COL18A1: variants seen among roughly 807,000 people sequenced by gnomAD.
The protein encoded by COL18A1 is collagen alpha-1(XVIII) chain.
A neutral mutation model predicts 168.0 loss-of-function variants in COL18A1; 133 were observed. That is an observed-to-expected ratio of 0.79 (90% CI 0.69 to 0.91). COL18A1 has a LOEUF of 0.91. COL18A1 is among the 40% of genes least tolerant of loss of function. The pLI is 0.00. For missense variants in COL18A1, 2,126 were observed against 1,925.4 expected, an observed-to-expected ratio of 1.10 and a Z score of -1.95; for synonymous variants, 949 against 809.0, an observed-to-expected ratio of 1.17 and a Z score of -2.94.
At position 45,457,747 on chromosome 21, in the gene COL18A1, T is replaced by C. The variant is rs902164010; in HGVS notation, c.107-10495T>C. 1.3e-5 allele frequency among the ~76,000 whole-genome samples: 2 copies of C among 152,304 alleles called. No individual in the cohort carries two copies. The highest frequency in any genetic ancestry group is 3.9e-4 in the East Asian group (2 of 5,166). ...GCCCTATCCCCGCAGGGTGAGGTGC[T>C]CTGTCCTCCTCTGCTGTCCTCCCCA... On this transcript the variant is annotated intron_variant, in intron 2 of 41. Coordinates refer to ENST00000651438, the MANE Select transcript of COL18A1 (RefSeq NM_001379500.1). This position sits in a 1 kb window ranked among gnomAD's most constrained non-coding sequence, Gnocchi z 4.6.
chr21:45,463,223 C>G lies in COL18A1; in HGVS notation c.107-5019C>G, dbSNP rs2035099801. Among the ~76,000 whole-genome samples, 1 of 152,236 alleles carries G rather than the reference C, an allele frequency of 6.6e-6. No homozygotes were observed. The highest frequency in any genetic ancestry group is 2.1e-4 in the South Asian group (1 of 4,828). On this transcript the variant is annotated intron_variant, in intron 2 of 41. Transcript: ENST00000651438. This position sits in a 1 kb window ranked among gnomAD's most constrained non-coding sequence, Gnocchi z 4.0. ...ACCTCCCTGTCTGCACATCTGTGAT[C>G]CCAGGCAACCTGATCAGAGCACAGG...
At chr21:45,488,570 G>A (rs965916882) in intron 18 of COL18A1, 126 bp downstream of exon 18, 1 of 1,397,528 alleles carries the variant, frequency 7.2e-7, no homozygotes, top group Non-Finnish European at 1.0e-6. Flanking sequence ...AATTCATCCT[G>A]GGAAGTTTGC....
chr21:45,510,938 AAC>A (rs1440334117), intron 40 of COL18A1, among the ~76,000 whole-genome samples, 171 bp from the exon 41 acceptor site: 7 of 41,990 alleles, frequency 1.7e-4, no homozygotes, highest in Non-Finnish European at 2.5e-4. Flanking sequence ...CCCCCAAAAA[AAC>A]ACACACCCAC....
intron 2 of COL18A1, among the ~76,000 whole-genome samples, chr21:45,411,759 C>CGGGGGGGGGGGGGGGGGG (rs1437966551): frequency 2.1e-3 from 16 of 7,566 alleles, no homozygotes; most frequent in Admixed American, 9.3e-3. Context: ...GGGCTGATGG[C>CGGGGGGGGGGGGGGGGGG]GGGGGGTGGG....
At chr21:45,470,810 T>G (rs2035395452) in intron 3 of COL18A1, among the ~76,000 whole-genome samples, 1 of 152,162 alleles carries the variant, frequency 6.6e-6, no homozygotes, top group African/African-American at 2.4e-5. Flanking sequence ...TTTATGTGGT[T>G]AAATCTGGCC....
intron 21 of COL18A1, 31 bp downstream of exon 21, chr21:45,490,902 T>TG (rs780883252): frequency 1.7e-4 from 259 of 1,537,684 alleles, no homozygotes; most frequent in South Asian, 6.6e-4. Context: ...TGGATGGGGA[T>TG]GGGGGGCGCT....
chr21:45,474,210 T>C (rs2035547715), intron 4 of COL18A1, among the ~76,000 whole-genome samples: 2 of 151,942 alleles, frequency 1.3e-5, no homozygotes, highest in Non-Finnish European at 2.9e-5. Flanking sequence ...CCACCCTCCA[T>C]GGCAGCTGGT....
At chr21:45,446,260 C>T (rs547806036) in intron 2 of COL18A1, among the ~76,000 whole-genome samples, 1 of 152,314 alleles carries the variant, frequency 6.6e-6, no homozygotes, top group African/African-American at 2.4e-5. Context: ...ATTCCAGAAC[C>T]CTCAGTTCCA....
intron 41 of COL18A1, among the ~76,000 whole-genome samples, 168 bp from the exon 42 acceptor site, chr21:45,512,019 AC>A (rs1568956591): frequency 6.6e-6 from 1 of 152,086 alleles, no homozygotes; most frequent in Non-Finnish European, 1.5e-5. Flanking sequence ...AGCCCCCTCC[AC>A]AGGCAGCCAG....
At position 45,498,496 on chromosome 21, in the gene COL18A1, G is replaced by A. The variant is rs535094036; in HGVS notation, c.2683+835G>A. On this transcript the variant is annotated intron_variant, in intron 32 of 41. Transcript: ENST00000651438. This position sits in a 1 kb window ranked among gnomAD's most constrained non-coding sequence, Gnocchi z 4.5. Reference sequence around the variant, plus strand: ...CCGCTCGCCGCCAGGGTCCCCTCTCGCTGCCAGGGTCCTCTGCAGAGGAGG... The same window carrying A: ...CCGCTCGCCGCCAGGGTCCCCTCTCACTGCCAGGGTCCTCTGCAGAGGAGG... 14 of 715,088 alleles carry A rather than the reference G, an allele frequency of 2.0e-5. No homozygotes were observed. Among genetic ancestry groups the A allele is most frequent in the African/African-American group, 7.0e-5 (4 of 57,132 alleles). 44.3% of individuals were successfully genotyped at this position (715,088 alleles called of 1,614,324 possible).
chr21:45,406,406 A>G (rs866484315), intron 2 of COL18A1, among the ~76,000 whole-genome samples: 1 of 152,220 alleles, frequency 6.6e-6, no homozygotes, highest in Non-Finnish European at 1.5e-5. Flanking sequence ...AATTTGTTTC[A>G]TTGTTTCCAA....
chr21:45,447,588 C>T (rs1000322145), intron 2 of COL18A1, among the ~76,000 whole-genome samples: 1 of 152,050 alleles, frequency 6.6e-6, no homozygotes, highest in African/African-American at 2.4e-5. Context: ...AACTAGAGTC[C>T]ACACAACTCC....
At chr21:45,460,963 G>A (rs1696023533) in intron 2 of COL18A1, among the ~76,000 whole-genome samples, 1 of 152,064 alleles carries the variant, frequency 6.6e-6, no homozygotes, top group South Asian at 2.1e-4. Context: ...CTCCAAACAG[G>A]GCTTCCTGCA....
intron 26 of COL18A1, chr21:45,494,170 T>C (rs776482881): frequency 3.6e-5 from 15 of 421,278 alleles, no homozygotes; most frequent in Non-Finnish European, 6.7e-5. Flanking sequence ...CCAGGCCCAG[T>C]GAGAGCTCCA....
intron 37 of COL18A1, chr21:45,506,438 T>C: frequency 3.6e-6 from 1 of 279,536 alleles, no homozygotes; most frequent in Non-Finnish European, 7.1e-6. Flanking sequence ...AGCACGGGCC[T>C]TGCTCACCAG....
chr21:45,493,209 G>A lies in COL18A1; in HGVS notation c.2261G>A (p.Gly754Asp). The change falls in exon 25 of 42, where the codon GGC becomes GAC. Residue 754 changes from glycine to aspartate, a missense_variant. Transcript: ENST00000651438. Reference sequence around the variant, plus strand: ...AACCTGGGCTCTAAGGGCGAACGAGGCTCCCCGGGACCCAAGGTAAGGGGC... The same window carrying A: ...AACCTGGGCTCTAAGGGCGAACGAGACTCCCCGGGACCCAAGGTAAGGGGC... ...KGNLGSKGER[G>D]SPGPKGEKGE... 1 of 1,561,372 alleles carries A rather than the reference G, an allele frequency of 6.4e-7. No homozygotes were observed. The highest frequency in any genetic ancestry group is 8.7e-7 in the Non-Finnish European group (1 of 1,152,616).
At chr21:45,458,999 CT>C (rs2034949243) in intron 2 of COL18A1, among the ~76,000 whole-genome samples, 1 of 152,200 alleles carries the variant, frequency 6.6e-6, no homozygotes, top group Non-Finnish European at 1.5e-5. Context: ...CTGATGGGGA[CT>C]TTTCACTGAA....
chr21:45,481,628 G>A (rs1055959957), intron 13 of COL18A1, among the ~76,000 whole-genome samples: 1 of 152,250 alleles, frequency 6.6e-6, no homozygotes, highest in Non-Finnish European at 1.5e-5. Flanking sequence ...ATTCTGAGGG[G>A]AATTTGGGCT....
intron 2 of COL18A1, among the ~76,000 whole-genome samples, chr21:45,412,710 G>A (rs537414286): frequency 6.6e-6 from 1 of 152,370 alleles, no homozygotes; most frequent in African/African-American, 2.4e-5. Flanking sequence ...CTGCTGAGGG[G>A]CCGTGAGGGT....
Sources: allele counts gnomAD v4.1 joint callset (sites outside exome capture counted in the v4.1 genomes callset), GRCh38; gene constraint gnomAD v4.1.1; non-coding constraint Gnocchi (gnomAD v3.1); transcripts MANE v1.5; gene names NCBI Gene and HGNC (gene_info 2026-07-23, HGNC 2026-07-21).